The following MYO3B variants were observed in gnomAD, a reference collection of about 807,000 sequenced individuals.
MYO3B encodes myosin-IIIb.
Under a neutral mutation model 174.6 loss-of-function variants are expected in MYO3B, and 156 were observed. The observed-to-expected ratio is 0.89, with a 90% CI of 0.78 to 1.02. MYO3B has a LOEUF of 1.02. MYO3B is among the 50% of genes least tolerant of loss of function. The pLI, the probability that MYO3B is intolerant of heterozygous loss-of-function variation, is 0.00. For synonymous variants in MYO3B, 563 were observed against 569.1 expected, an observed-to-expected ratio of 0.99 and a Z score of 0.15; for missense variants, 1,632 against 1,639.4, an observed-to-expected ratio of 1.00 and a Z score of 0.08.
chr2:170,250,370 G>T (rs2093238609), intron 7 of MYO3B, among the ~76,000 whole-genome samples: 1 of 152,288 alleles, frequency 6.6e-6, no homozygotes, highest in East Asian at 1.9e-4. Flanking sequence ...AAAGTTTGGA[G>T]GCCACTGTCT....
chr2:170,378,353 G>A (rs1254877880), intron 9 of MYO3B, among the ~76,000 whole-genome samples: 2 of 152,104 alleles, frequency 1.3e-5, no homozygotes, highest in Non-Finnish European at 2.9e-5. Flanking sequence ...TTGAGAAAAC[G>A]AAGTGGTCTT....
chr2:170,369,204 G>C lies in MYO3B; in HGVS notation c.816-18G>C. On this transcript the variant is annotated intron_variant, in intron 8 of 34. Transcript: ENST00000408978. ...TCTAAGATTGTACTTTGGATTGTTT[G>C]TTGGTTTTTGCAAACAGGTGTCTTA... 1 of 1,609,732 alleles carries C rather than the reference G, an allele frequency of 6.2e-7. No individual in the cohort carries two copies. Among genetic ancestry groups the C allele is most frequent in the South Asian group, 1.1e-5 (1 of 90,598 alleles).
At chr2:170,324,283 T>G (rs1363984370) in intron 7 of MYO3B, among the ~76,000 whole-genome samples, 5 of 152,184 alleles carry the variant, frequency 3.3e-5, no homozygotes, top group Admixed American at 6.5e-5. Context: ...TGACTGTCAT[T>G]TATCCCAAGG....
At chr2:170,500,459 C>T (rs1223481834) in intron 27 of MYO3B, among the ~76,000 whole-genome samples, 1 of 152,178 alleles carries the variant, frequency 6.6e-6, no homozygotes, top group Admixed American at 6.5e-5. Context: ...AGTTGAATAT[C>T]TTCTGGAGGA....
intron 8 of MYO3B, among the ~76,000 whole-genome samples, chr2:170,356,571 A>C (rs897603526): frequency 6.6e-6 from 1 of 151,380 alleles, no homozygotes; most frequent in African/African-American, 2.4e-5. Context: ...CATGTTGGCC[A>C]GGCTGGTCTC....
intron 7 of MYO3B, among the ~76,000 whole-genome samples, chr2:170,264,828 A>C (rs541592972): frequency 6.6e-6 from 1 of 152,292 alleles, no homozygotes; most frequent in South Asian, 2.1e-4. Context: ...GTTTTGGAGG[A>C]TGGCAGTAGC....
intron 1 of MYO3B, among the ~76,000 whole-genome samples, chr2:170,179,779 C>T (rs73975576): frequency 4.0e-4 from 61 of 152,328 alleles, no homozygotes; most frequent in African/African-American, 1.4e-3. Context: ...TGGACTAACA[C>T]AACTATTATG....
At chr2:170,633,956 G>A (rs1039405753) in intron 32 of MYO3B, among the ~76,000 whole-genome samples, 50 of 152,210 alleles carry the variant, frequency 3.3e-4, no homozygotes, top group Non-Finnish European at 1.5e-4. Context: ...ACTGATCAAC[G>A]AAATAAAAGA....
At chr2:170,265,776 A>G (rs2093378704) in intron 7 of MYO3B, among the ~76,000 whole-genome samples, 1 of 152,222 alleles carries the variant, frequency 6.6e-6, no homozygotes, top group African/African-American at 2.4e-5. Flanking sequence ...AGTTATGTGT[A>G]CATCCCTCTA....
intron 30 of MYO3B, among the ~76,000 whole-genome samples, chr2:170,531,644 T>C (rs1314487388): frequency 1.3e-5 from 2 of 152,262 alleles, no homozygotes; most frequent in African/African-American, 2.4e-5. Context: ...CTTAGTATTA[T>C]GCATTTTGTA....
rs60349340 is a variant in MYO3B at position 170,478,522 on chromosome 2, T to TACACAC, written c.3014+11845_3014+11850dup. Among the ~76,000 whole-genome samples the TACACAC allele has an allele frequency of 4.5e-3, 567 of 126,102 alleles. 9 individuals are homozygous for TACACAC. Among genetic ancestry groups the TACACAC allele is most frequent in the African/African-American group, 0.015 (504 of 32,602 alleles). The allele number at this position is 126,102 out of a possible 152,430, so 82.7% of individuals were successfully genotyped here. A position where few individuals can be genotyped will look rare whatever the true frequency, so the allele number is the denominator to read the frequency against. On this transcript the variant is annotated intron_variant, in intron 25 of 34. Transcript: ENST00000408978. ...GGAGAAGGTGTGTGGGGTGTTATTG[T>TACACAC]ACACACACACACACACACACACACA...
In MYO3B at chr2:170,404,247, A is replaced by G. The variant is rs2094496339; in HGVS notation, c.2278A>G (p.Met760Val). 2 of 1,600,546 alleles carry G rather than the reference A, an allele frequency of 1.2e-6. No individual in the cohort carries two copies. The highest frequency in any genetic ancestry group is 1.3e-5 in the African/African-American group (1 of 74,408). The change falls in exon 20 of 35, where the codon ATG (methionine) becomes GTG (valine). Residue 760 changes from methionine (M) to valine (V), a missense_variant and splice_region_variant. Coordinates refer to ENST00000408978, the MANE Select transcript of MYO3B (RefSeq NM_138995.5). Reference sequence around the variant, plus strand: ...AGAATCACAATCCATTTCCCTCCAGATGGAATATCAGAATGAAGGCATTGA... The same window carrying G: ...AGAATCACAATCCATTTCCCTCCAGGTGGAATATCAGAATGAAGGCATTGA... ...FNQHVFALEQ[M>V]EYQNEGIDAV...
rs6736609 is a variant in MYO3B at position 170,404,277 on chromosome 2, G to A, written c.2308G>A (p.Val770Ile). The A allele has an allele frequency of 0.88, 1,412,572 of 1,611,218 alleles. 622,249 individuals carry two copies. Among genetic ancestry groups the A allele is most frequent in the Middle Eastern group, 0.91 (5,525 of 6,060 alleles). Residue 770 changes from valine to isoleucine, a missense_variant, in exon 20 of 35, where the codon GTA (valine) becomes ATA (isoleucine). Transcript: ENST00000408978. ...MEYQNEGIDA[V>I]PVEYEDNRPL... is the part of the protein sequence containing the mutation. ...ATATCAGAATGAAGGCATTGATGCT[G>A]TACCCGTGGAATATGAGGACAACCG... is the stretch of plus-strand genomic sequence containing the variant.
chr2:170,279,890 A>G, intron 7 of MYO3B, among the ~76,000 whole-genome samples: 1 of 152,138 alleles, frequency 6.6e-6, no homozygotes, highest in Non-Finnish European at 1.5e-5. Context: ...GGTTGATTCC[A>G]TGTCTTTGCT....
chr2:170,258,549 A>C (rs1365336961), intron 7 of MYO3B, among the ~76,000 whole-genome samples: 1 of 152,136 alleles, frequency 6.6e-6, no homozygotes, highest in Non-Finnish European at 1.5e-5. Flanking sequence ...CTAGGCATCA[A>C]AGGAACATCC....
At chr2:170,638,434 G>C (rs924330095) in intron 32 of MYO3B, among the ~76,000 whole-genome samples, 1 of 152,176 alleles carries the variant, frequency 6.6e-6, no homozygotes, top group African/African-American at 2.4e-5. Context: ...TATTTATGGA[G>C]AACTTTTTCC....
intron 32 of MYO3B, among the ~76,000 whole-genome samples, chr2:170,570,613 T>C (rs1384130058): frequency 6.6e-6 from 1 of 152,196 alleles, no homozygotes; most frequent in Non-Finnish European, 1.5e-5. Context: ...CTACTCAGTG[T>C]TGTAAGACAC....
chr2:170,594,875 CCT>C (rs1694047104), intron 32 of MYO3B, among the ~76,000 whole-genome samples: 1 of 151,456 alleles, frequency 6.6e-6, no homozygotes. Context: ...CTATCACTTT[CCT>C]CTCTACTTTC....
At chr2:170,421,285 G>A (rs1301788803) in intron 22 of MYO3B, among the ~76,000 whole-genome samples, 1 of 152,204 alleles carries the variant, frequency 6.6e-6, no homozygotes. Flanking sequence ...TGAATGTAGA[G>A]AGATGAGTAT....
Sources: allele counts gnomAD v4.1 joint callset (sites outside exome capture counted in the v4.1 genomes callset), GRCh38; gene constraint gnomAD v4.1.1; transcripts MANE v1.5; gene names NCBI Gene and HGNC (gene_info 2026-07-23, HGNC 2026-07-21).